GAS2: variants seen among roughly 807,000 people sequenced by gnomAD.
The protein encoded by GAS2 is growth arrest-specific protein 2.
A neutral mutation model predicts 37.5 loss-of-function variants in GAS2; 20 were observed. The ratio of observed to expected loss-of-function variants is 0.53; its 90% CI spans 0.37 to 0.77. The LOEUF is 0.77. GAS2 is among the 30% of genes least tolerant of loss of function. The probability of loss-of-function intolerance (pLI) is 0.00; values close to 1 mark genes in which losing one functional copy is unlikely to be tolerated. For synonymous variants in GAS2, 144 were observed against 132.2 expected (o/e 1.09, Z -0.61); for missense variants, 336 against 373.4 (o/e 0.90, Z 0.82).
chr11:22,697,850 A>C (rs1850612824), intron 3 of GAS2, among the ~76,000 whole-genome samples: 1 of 152,146 alleles, frequency 6.6e-6, no homozygotes, highest in Non-Finnish European at 1.5e-5. Context: ...TTGGGCTGAG[A>C]CAATGGGGTT....
chr11:22,786,453 C>T (rs911351845), intron 7 of GAS2, among the ~76,000 whole-genome samples: 2 of 152,036 alleles, frequency 1.3e-5, no homozygotes, highest in African/African-American at 2.4e-5. Context: ...AGCGTTTATC[C>T]ACTTATTCAT....
Position 22,755,956 on chromosome 11 carries a change from A to T in GAS2, c.723+3A>T, listed in dbSNP as rs754484850. ...GAGAAAAGATCCTCTTCATTAGGGT[A>T]AAGTTTTACTTTTCACTTATCTTGT... On this transcript the variant is annotated splice_donor_region_variant and intron_variant, in intron 7 of 7. Coordinates refer to ENST00000454584, the MANE Select transcript of GAS2 (RefSeq NM_001143830.3). The T allele has an allele frequency of 6.3e-7, 1 of 1,586,198 alleles. No individual in the cohort carries two copies. The highest frequency in any genetic ancestry group is 8.6e-7 in the Non-Finnish European group (1 of 1,157,280).
chr11:22,797,316 T>C (rs553048718), intron 7 of GAS2, among the ~76,000 whole-genome samples: 35 of 152,184 alleles, frequency 2.3e-4, no homozygotes, highest in African/African-American at 7.9e-4. Flanking sequence ...TGACAGTCAT[T>C]TGTCTCTACA....
At chr11:22,692,543 CCAGGTCACTGA>C (rs1850297473) in intron 3 of GAS2, among the ~76,000 whole-genome samples, 1 of 152,118 alleles carries the variant, frequency 6.6e-6, no homozygotes, top group Admixed American at 6.6e-5. Flanking sequence ...GAGGATGCTT[CCAGGTCACTGA>C]CAGATGAGAG....
At position 22,633,956 on chromosome 11, in the gene GAS2, A is replaced by C. The variant is rs143685945; in HGVS notation, c.-21+8143A>C. On this transcript the variant is annotated intron_variant, in intron 1 of 5. Transcript: ENST00000528582. Reference sequence around the variant, plus strand: ...CCTCTCTACATGTGTACCCATGCCAAGCTCTTGTGGGAGAAGCCACAGCTA... The same window carrying C: ...CCTCTCTACATGTGTACCCATGCCACGCTCTTGTGGGAGAAGCCACAGCTA... Among the ~76,000 whole-genome samples, 1,203 of 152,270 alleles carry C rather than the reference A, an allele frequency of 7.9e-3. 19 individuals carry two copies. The highest frequency in any genetic ancestry group is 0.028 in the African/African-American group (1,143 of 41,542).
At chr11:22,762,284 A>C (rs1854432725) in intron 7 of GAS2, among the ~76,000 whole-genome samples, 1 of 152,168 alleles carries the variant, frequency 6.6e-6, no homozygotes, top group Non-Finnish European at 1.5e-5. Flanking sequence ...GCTACAATTT[A>C]ATAAGGATCG....
chr11:22,795,773 G>A (rs530878964), intron 7 of GAS2, among the ~76,000 whole-genome samples: 1 of 152,180 alleles, frequency 6.6e-6, no homozygotes, highest in East Asian at 1.9e-4. Flanking sequence ...GGCATGAGGT[G>A]ACTTCTATTT....
At chr11:22,673,904 T>C (rs567196172) in intron 1 of GAS2, among the ~76,000 whole-genome samples, 2 of 152,344 alleles carry the variant, frequency 1.3e-5, no homozygotes, top group South Asian at 4.1e-4. Flanking sequence ...TAAGTACTTC[T>C]ACTCTAAAGA....
At chr11:22,627,848 G>A (rs1858685514) in intron 1 of GAS2, among the ~76,000 whole-genome samples, 1 of 151,816 alleles carries the variant, frequency 6.6e-6, no homozygotes, top group Non-Finnish European at 1.5e-5. Flanking sequence ...TCAAAGCTGA[G>A]TGTTCAGAGG....
intron 1 of GAS2, among the ~76,000 whole-genome samples, chr11:22,652,807 C>A (rs546643670): frequency 6.6e-6 from 1 of 152,212 alleles, no homozygotes; most frequent in Non-Finnish European, 1.5e-5. Flanking sequence ...ACCCACTGAC[C>A]TGCACCCACT....
At chr11:22,759,544 A>C (rs925623021) in intron 7 of GAS2, among the ~76,000 whole-genome samples, 2 of 152,226 alleles carry the variant, frequency 1.3e-5, no homozygotes, top group African/African-American at 4.8e-5. Context: ...TCCAAAGAGC[A>C]ACATTGTTTT....
intron 3 of GAS2, 42 bp downstream of exon 3, chr11:22,685,831 T>G: frequency 6.3e-7 from 1 of 1,576,894 alleles, no homozygotes; most frequent in Non-Finnish European, 8.6e-7. Context: ...GGTGGTAGAT[T>G]ACATTTATAA....
At chr11:22,653,411 T>G (rs1848819753) in intron 1 of GAS2, among the ~76,000 whole-genome samples, 2 of 152,162 alleles carry the variant, frequency 1.3e-5, no homozygotes, top group Non-Finnish European at 2.9e-5. Context: ...GACTAGTACA[T>G]TTTCTATGTA....
chr11:22,716,567 G>A (rs1188467472), intron 3 of GAS2, among the ~76,000 whole-genome samples: 2 of 151,746 alleles, frequency 1.3e-5, no homozygotes, highest in Non-Finnish European at 2.9e-5. Context: ...TTGAACCTGG[G>A]AGGAGGAGGT....
At chr11:22,661,185 A>T (rs968683068) in intron 1 of GAS2, among the ~76,000 whole-genome samples, 3 of 152,216 alleles carry the variant, frequency 2.0e-5, no homozygotes, top group Admixed American at 6.5e-5. Flanking sequence ...AGTAATAAAG[A>T]TGCAAAATTA....
intron 2 of GAS2, among the ~76,000 whole-genome samples, chr11:22,681,014 T>C (rs894437964): frequency 6.6e-6 from 1 of 152,184 alleles, no homozygotes; most frequent in African/African-American, 2.4e-5. Context: ...CATGAATACA[T>C]GTAAAATGCT....
At chr11:22,656,589 T>G (rs752847361) in intron 1 of GAS2, among the ~76,000 whole-genome samples, 3 of 152,216 alleles carry the variant, frequency 2.0e-5, no homozygotes, top group Non-Finnish European at 4.4e-5. Context: ...GTAAACAGTT[T>G]GCTTTCACGA....
At chr11:22,799,413 A>G (rs1258240500) in intron 7 of GAS2, among the ~76,000 whole-genome samples, 1 of 152,084 alleles carries the variant, frequency 6.6e-6, no homozygotes, top group Non-Finnish European at 1.5e-5. Flanking sequence ...GATCATGAAG[A>G]GAATAATGTA....
chr11:22,659,358 G>A (rs1425088168), intron 1 of GAS2, among the ~76,000 whole-genome samples: 2 of 152,086 alleles, frequency 1.3e-5, no homozygotes, highest in African/African-American at 4.8e-5. Context: ...TCCCCTTTAA[G>A]AGGCACTTTC....
Sources: gnomAD v4.1 joint callset for allele counts (sites outside exome capture counted in the v4.1 genomes callset) on GRCh38, gnomAD v4.1.1 for gene constraint, MANE v1.5 for transcripts, NCBI Gene and HGNC (gene_info 2026-07-23, HGNC 2026-07-21) for gene names.